KIAA1210: variants seen among roughly 807,000 people sequenced by gnomAD.
KIAA1210 encodes KIAA1210, also known as acrosomal protein KIAA1210.
Under a neutral mutation model 78.9 loss-of-function variants are expected in KIAA1210, and 48 were observed. The ratio of observed to expected loss-of-function variants is 0.61; its 90% CI spans 0.48 to 0.77. The LOEUF (loss-of-function observed/expected upper bound fraction) is 0.77. Ranked by LOEUF, KIAA1210 falls within the 30% of genes least tolerant of loss-of-function variation. KIAA1210 has a pLI of 0.00. For synonymous variants in KIAA1210, 406 were observed against 404.5 expected (o/e 1.00, Z -0.04); for missense variants, 1,108 against 1,100.0 (o/e 1.01, Z -0.10).
intron 3 of KIAA1210, among the ~76,000 whole-genome samples, chrX:119,115,032 A>G (rs184842194): frequency 1.1e-3 from 128 of 111,809 alleles, no homozygotes; most frequent in African/African-American, 3.9e-3. Context: ...GTCCTATGGT[A>G]CAGGCCAGGG....
In KIAA1210 at chrX:119,087,075, C is replaced by T. The variant is rs1410954864; in HGVS notation, c.3627G>A (p.Arg1209=). ...VHSSSVNAAA[R]RSVFESNSDN... is the part of the protein sequence containing the mutation. ...CAGAATTGCTCTCAAAAACAGATCG[C>T]CTAGCAGCAGCATTCACAGAACTTG... The change falls in exon 9 of 12, where the codon AGG becomes AGA. Residue 1209 remains arginine, a synonymous_variant. Transcript: ENST00000691062. 1 of 1,211,597 alleles carries T rather than the reference C, an allele frequency of 8.3e-7. No homozygotes were observed. The highest frequency in any genetic ancestry group is 2.2e-5 in the Admixed American group (1 of 46,047).
intron 2 of KIAA1210, among the ~76,000 whole-genome samples, chrX:119,144,816 T>C (rs1208638218): frequency 8.9e-6 from 1 of 111,861 alleles, no homozygotes; most frequent in Non-Finnish European, 1.9e-5. Flanking sequence ...GTAGGTACCA[T>C]TGTTACTTCT....
intron 1 of KIAA1210, among the ~76,000 whole-genome samples, chrX:119,148,086 G>A (rs757940421): frequency 3.7e-4 from 41 of 111,561 alleles, no homozygotes; most frequent in Non-Finnish European, 6.0e-4. Flanking sequence ...GCTGCAGGGA[G>A]CTATGATTGT....
chrX:119,128,409 T>G (rs945603182), upstream of KIAA1210, among the ~76,000 whole-genome samples: 1 of 108,749 alleles, frequency 9.2e-6, no homozygotes, highest in Non-Finnish European at 1.9e-5. Context: ...CATGCTCCAC[T>G]GATCACCAAA....
rs755472233 is a variant in KIAA1210, at chrX:119,088,963, T to A, written c.1739A>T (p.Asp580Val). The A allele has an allele frequency of 5.5e-5, 66 of 1,209,966 alleles. No homozygotes were observed. Among genetic ancestry groups the A allele is most frequent in the Non-Finnish European group, 7.0e-5 (63 of 895,089 alleles). The change falls in exon 9 of 12, where the codon GAT becomes GTT. Residue 580 changes from aspartate to valine, a missense_variant. Physicochemically the swap from Asp to Val is radical, Grantham distance 152 (BLOSUM62 -3). This residue lies in a region of KIAA1210 where 672 missense variants were observed against 607.1 expected (regional missense o/e 1.11). Transcript: ENST00000691062. ...LGMTSTTAKG[D>V]VYAKTLPPRS... is the part of the protein sequence containing the mutation. ...GGGAGGCAGAGTCTTGGCATAAACA[T>A]CTCCTTTGGCTGTAGTACTTGTCAT...
chrX:119,113,491 A>G (rs1318804523), intron 3 of KIAA1210, among the ~76,000 whole-genome samples: 1 of 111,830 alleles, frequency 8.9e-6, no homozygotes, highest in Non-Finnish European at 1.9e-5. Context: ...AATGTTCCCA[A>G]TAGGCAAATC....
At position 119,085,384 on chromosome X, in the gene KIAA1210, T is replaced by C. The variant is rs2305570; in HGVS notation, c.4319A>G (p.Glu1440Gly). 125,589 of 1,205,991 alleles carry C rather than the reference T, an allele frequency of 0.1. 11,469 individuals carry two copies. The highest frequency in any genetic ancestry group is 0.52 in the African/African-American group (29,409 of 56,729). ...TTTATTGGCTACCCCAGGTCCTACC[T>C]CATATTTAGGCTCCTTAGTCTCAGC... ...ADAETKEPKY[E>G]GAGSANENQP... The change falls in exon 10 of 12, where the codon GAG (glutamate) becomes GGG (glycine). Residue 1440 changes from glutamate to glycine, a missense_variant and splice_region_variant. This residue lies in a region of KIAA1210 where 245 missense variants were observed against 278.8 expected (regional missense o/e 0.88). Coordinates refer to ENST00000691062, the MANE Select transcript of KIAA1210 (RefSeq NM_001394962.1).
At chrX:119,105,286 GC>G in intron 5 of KIAA1210, 139 bp from the exon 6 acceptor site, 1 of 597,633 alleles carries the variant, frequency 1.7e-6, no homozygotes, top group Non-Finnish European at 2.4e-6. Context: ...AAAAAAATAA[GC>G]CCAGGGAAGA....
At chrX:119,083,142 A>G (rs542810049) in intron 10 of KIAA1210, 22 bp from the exon 11 acceptor site, 3 of 1,134,343 alleles carry the variant, frequency 2.6e-6, no homozygotes, top group Non-Finnish European at 3.6e-6. Flanking sequence ...AAATGAAAAC[A>G]GAAAGCTTGT....
In KIAA1210 at chrX:119,108,470, C is replaced by A. The variant is rs1927960908; in HGVS notation, c.359G>T (p.Arg120Ile). ...MDPQRGRPQQ[R>I]SHISRTLPKP... is the part of the protein sequence containing the mutation. ...AGGCAGAGTTCTGGAAATATGGGAT[C>A]TCTGTGTAAGAGAGAGAGAAAAAAA... Residue 120 changes from arginine to isoleucine, a missense_variant and splice_region_variant, in exon 5 of 12, where the codon AGA becomes ATA. Arg to Ile is a moderately conservative substitution (Grantham distance 97, BLOSUM62 -3). Around this residue, in one of 5 missense-constraint regions of KIAA1210, gnomAD observed 672 missense variants for 607.1 expected, o/e 1.11. Transcript: ENST00000691062. 3 of 1,205,088 alleles carry A rather than the reference C, an allele frequency of 2.5e-6. No homozygotes were observed. Among genetic ancestry groups the A allele is most frequent in the Non-Finnish European group, 3.4e-6 (3 of 893,128 alleles).
chrX:119,141,300 A>G (rs1475563449), intron 2 of KIAA1210, among the ~76,000 whole-genome samples: 1 of 112,093 alleles, frequency 8.9e-6, no homozygotes, highest in Non-Finnish European at 1.9e-5. Context: ...TTCACAGGCC[A>G]GGAAATAAGA....
chrX:119,101,759 T>C (rs918529334), intron 6 of KIAA1210, among the ~76,000 whole-genome samples: 2 of 111,382 alleles, frequency 1.8e-5, no homozygotes, highest in African/African-American at 6.5e-5. Context: ...CCCCCTTCTA[T>C]CACAATCTCT....
chrX:119,124,389 A>G (rs1182133594), intron 1 of KIAA1210, among the ~76,000 whole-genome samples: 3 of 112,527 alleles, frequency 2.7e-5, no homozygotes, highest in Admixed American at 9.4e-5. Flanking sequence ...TATACTTTAA[A>G]TAGGTGACTT....
intron 2 of KIAA1210, among the ~76,000 whole-genome samples, chrX:119,123,291 G>C (rs924231474): frequency 8.9e-6 from 1 of 112,010 alleles, no homozygotes. Flanking sequence ...AACCTCAGCT[G>C]AATTTGTCAG....
Position 119,087,750 on chromosome X carries a change from C to T in KIAA1210, c.2952G>A (p.Gln984=), listed in dbSNP as rs1368062490. Residue 984 remains glutamine, a synonymous_variant, in exon 9 of 12, where the codon CAG becomes CAA. Transcript: ENST00000691062. The part of the protein sequence containing the change: ...GSPLPPQYAT[Q]FLKRSKVQEM... ...CCTGAACTTTAGACCTCTTTAAGAA[C>T]TGGGTAGCATATTGGGGAGGCAATG... is the stretch of plus-strand genomic sequence containing the variant. The T allele has an allele frequency of 8.3e-7, 1 of 1,211,782 alleles. No homozygotes were observed. The highest frequency in any genetic ancestry group is 1.1e-6 in the Non-Finnish European group (1 of 895,467).
chrX:119,116,428 A>T, intron 3 of KIAA1210, 68 bp downstream of exon 3: 1 of 1,091,003 alleles, frequency 9.2e-7, no homozygotes, highest in Non-Finnish European at 1.2e-6. Flanking sequence ...GGCTGCCGAA[A>T]GGTGACCTAG....
chrX:119,122,834 C>G (rs1372194245), intron 2 of KIAA1210, among the ~76,000 whole-genome samples: 35 of 112,127 alleles, frequency 3.1e-4, no homozygotes, highest in African/African-American at 1.1e-3. Context: ...TGCCCCACAT[C>G]ATGTGTGAAG....
In KIAA1210 at chrX:119,089,627, T is replaced by A; in HGVS notation, c.1075A>T (p.Arg359Ter). The A allele has an allele frequency of 8.3e-7, 1 of 1,211,751 alleles. No homozygotes were observed. The highest frequency in any genetic ancestry group is 1.1e-6 in the Non-Finnish European group (1 of 895,455). Residue 359 changes from arginine (R) to a stop codon, truncating the protein, a stop_gained, in exon 9 of 12, where the codon AGA becomes TGA. Coordinates refer to ENST00000691062, the MANE Select transcript of KIAA1210 (RefSeq NM_001394962.1). LOFTEE classifies it high-confidence loss of function. ...QGYPMSAAYG[R>*]RWRRKGASVS... ...CTTGCTCCTTTTCTTCTCCATCTTC[T>A]TCCATATGCTGCTGACATTGGATAG...
chrX:119,132,876 C>T (rs1268337934), intron 2 of KIAA1210, among the ~76,000 whole-genome samples: 1 of 111,823 alleles, frequency 8.9e-6, no homozygotes, highest in African/African-American at 3.3e-5. Flanking sequence ...GCTCAAGCAA[C>T]CCTCCTGCCT....
Sources: gnomAD v4.1 joint callset for allele counts (sites outside exome capture counted in the v4.1 genomes callset) on GRCh38, gnomAD v4.1.1 for gene constraint, gnomAD v4.1.1 regional missense constraint, MANE v1.5 for transcripts, NCBI Gene and HGNC (gene_info 2026-07-23, HGNC 2026-07-21) for gene names.